Variants in SGSM2 observed in about 807,000 individuals in gnomAD.
SGSM2 encodes small G protein signaling modulator 2.
Under a neutral mutation model 126.6 loss-of-function variants are expected in SGSM2, and 89 were observed. The observed-to-expected ratio is 0.70, with a 90% confidence interval of 0.59 to 0.84. The LOEUF (loss-of-function observed/expected upper bound fraction) is 0.84. Ranked by LOEUF, SGSM2 falls within the 40% of genes least tolerant of loss-of-function variation. The pLI is 0.00. For synonymous variants in SGSM2, 614 were observed against 574.3 expected, an observed-to-expected ratio of 1.07 and a Z score of -0.99; for missense variants, 1,404 against 1,416.6, an observed-to-expected ratio of 0.99 and a Z score of 0.14.
intron 2 of SGSM2, among the ~76,000 whole-genome samples, chr17:2,351,468 C>T (rs182204191): frequency 1.0e-3 from 155 of 152,272 alleles, no homozygotes; most frequent in African/African-American, 3.5e-3. Flanking sequence ...CTGTGGCTTC[C>T]TTACCCAGCC....
chr17:2,339,736 A>G (rs1320305872), intron 1 of SGSM2, among the ~76,000 whole-genome samples: 1 of 151,720 alleles, frequency 6.6e-6, no homozygotes, highest in Non-Finnish European at 1.5e-5. Context: ...AGTCCCGGAA[A>G]TCTCTAGATG....
At position 2,363,351 on chromosome 17, in the gene SGSM2, G is replaced by T; in HGVS notation, c.673-114G>T. 1 of 1,515,356 alleles carries T rather than the reference G, an allele frequency of 6.6e-7. No homozygotes were observed. Among genetic ancestry groups the T allele is most frequent in the Non-Finnish European group, 8.9e-7 (1 of 1,123,080 alleles). 93.9% of individuals were successfully genotyped at this position (1,515,356 alleles called of 1,614,324 possible). On this transcript the variant is annotated intron_variant, in intron 6 of 23. Coordinates refer to ENST00000268989, the MANE Select transcript of SGSM2 (RefSeq NM_014853.3). The surrounding 1 kb of genome is among the most constrained non-coding windows in gnomAD (Gnocchi z 4.2). Reference sequence around the variant, plus strand: ...CAGAGGGTGGCTGGGAGTAAACCGGGGCAGGAAGGACCCCTGGGGTCAGCT... The same window carrying T: ...CAGAGGGTGGCTGGGAGTAAACCGGTGCAGGAAGGACCCCTGGGGTCAGCT...
Position 2,379,984 on chromosome 17 carries a change from C to T in SGSM2, c.*464C>T. 7.2e-7 allele frequency: 1 copy of T among 1,379,762 alleles called. No homozygotes were observed. The highest frequency in any genetic ancestry group is 9.4e-7 in the Non-Finnish European group (1 of 1,068,418). 85.5% of individuals were successfully genotyped at this position (1,379,762 alleles called of 1,614,324 possible). ...CAGTCCCAGTATATTGTGCGTGCAC[C>T]AGCCCCAGCTGGAGCAACCAAAACT... On this transcript the variant is annotated 3_prime_UTR_variant, in exon 24 of 24. Transcript: ENST00000268989.
At chr17:2,360,421 G>A (rs1185860828) in intron 2 of SGSM2, among the ~76,000 whole-genome samples, 1 of 152,176 alleles carries the variant, frequency 6.6e-6, no homozygotes, top group Non-Finnish European at 1.5e-5. Context: ...GCCTTGGATC[G>A]TCTCTCCAGT....
At chr17:2,361,359 G>A (rs1224428267) in intron 2 of SGSM2, among the ~76,000 whole-genome samples, 1 of 152,238 alleles carries the variant, frequency 6.6e-6, no homozygotes, top group East Asian at 1.9e-4. Flanking sequence ...CCTGAATGGG[G>A]AGCTTTGGTC....
rs758853082 is a variant in SGSM2, at chr17:2,354,890, T to TG, written c.134-6743dup. 1.8e-3 allele frequency among the ~76,000 whole-genome samples: 248 copies of TG among 137,630 alleles called. 1 individual carries two copies. The highest frequency in any genetic ancestry group is 4.1e-3 in the Middle Eastern group (1 of 242). 90.3% of individuals were successfully genotyped at this position (137,630 alleles called of 152,430 possible). ...AATGGTGGAATCGGGGTGTAAGCGT[T>TG]GGGGAAGGGACCCCATATCTTAGAA... On this transcript the variant is annotated intron_variant, in intron 2 of 23. Transcript: ENST00000268989.
chr17:2,350,707 G>C (rs1024557614), intron 2 of SGSM2, among the ~76,000 whole-genome samples: 12 of 152,172 alleles, frequency 7.9e-5, no homozygotes, highest in Non-Finnish European at 1.5e-5. Flanking sequence ...TCAGAGACAA[G>C]TCCAACTAGA....
Position 2,363,958 on chromosome 17 carries a change from G to A in SGSM2, c.808-101G>A. 6.8e-7 allele frequency: 1 copy of A among 1,464,860 alleles called. No homozygotes were observed. The highest frequency in any genetic ancestry group is 1.2e-5 in the South Asian group (1 of 85,458). The allele number at this position is 1,464,860 out of a possible 1,614,324, so 90.7% of individuals were successfully genotyped here. On this transcript the variant is annotated intron_variant, in intron 7 of 23. Transcript: ENST00000268989. The surrounding 1 kb of genome is among the most constrained non-coding windows in gnomAD (Gnocchi z 4.2). ...AGTCCAGGACCCCGTGACTAGCCTA[G>A]CTTGGCCTCCCCTCCTCCCAGCGGG...
chr17:2,361,568 G>T, intron 2 of SGSM2, 69 bp from the exon 3 acceptor site: 1 of 1,561,538 alleles, frequency 6.4e-7, no homozygotes, highest in Non-Finnish European at 8.7e-7. Flanking sequence ...CAGGTATGGG[G>T]AAGAGGAGCT....
chr17:2,370,093 A>T (rs975789723), intron 12 of SGSM2, among the ~76,000 whole-genome samples: 24 of 152,026 alleles, frequency 1.6e-4, no homozygotes, highest in African/African-American at 5.8e-4. Flanking sequence ...GCTCCCACCA[A>T]AGCCAGGCCC....
rs1380608257 is a variant in SGSM2, at chr17:2,376,181, C to G, written c.2529C>G (p.Asp843Glu). ...TGGCCTTAAACCTGCACCGCATAGA[C>G]AAGGATGTGCAGAGGTGTGACCGCA... ...DTVALNLHRI[D>E]KDVQRCDRNY... Residue 843 changes from aspartate (D) to glutamate (E), a missense_variant, in exon 19 of 24, where the codon GAC (aspartate) becomes GAG (glutamate). Asp to Glu is a conservative substitution (Grantham distance 45). Coordinates refer to ENST00000268989, the MANE Select transcript of SGSM2 (RefSeq NM_014853.3). The G allele has an allele frequency of 5.6e-6, 9 of 1,613,988 alleles. No homozygotes were observed. Among genetic ancestry groups the G allele is most frequent in the Non-Finnish European group, 8.5e-7 (1 of 1,180,026 alleles).
chr17:2,337,927 G>T lies in SGSM2; in HGVS notation c.57+182G>T, dbSNP rs1222407818. Among the ~76,000 whole-genome samples the T allele has an allele frequency of 1.3e-5, 2 of 151,932 alleles. No individual in the cohort carries two copies. The highest frequency in any genetic ancestry group is 6.5e-5 in the Admixed American group (1 of 15,270). Reference sequence around the variant, plus strand: ...GGATGGGGGAGGGCAGCGCCCCTCTGCCCGGGGGACCCGGCCGGCGCTCCC... The same window carrying T: ...GGATGGGGGAGGGCAGCGCCCCTCTTCCCGGGGGACCCGGCCGGCGCTCCC... On this transcript the variant is annotated intron_variant, in intron 1 of 23. Transcript: ENST00000268989. The surrounding 1 kb of genome is among the most constrained non-coding windows in gnomAD (Gnocchi z 5.1).
rs904931062 is a variant in SGSM2 at position 2,373,361 on chromosome 17, C to G, written c.1948C>G (p.Gln650Glu). 2 of 1,612,946 alleles carry G rather than the reference C, an allele frequency of 1.2e-6. No individual in the cohort carries two copies. Among genetic ancestry groups the G allele is most frequent in the Non-Finnish European group, 1.7e-6 (2 of 1,179,922 alleles). The change falls in exon 17 of 24, where the codon CAG becomes GAG. Residue 650 changes from glutamine to glutamate, a missense_variant. Transcript: ENST00000268989. ...CGCAGTGGTGGCAGCAAGGTACCAG[C>G]AGGTGTTGGCAGAGTGGAAGGCCTG... ...VDAVVAARYQ[Q>E]VLAEWKACEV...
intron 2 of SGSM2, among the ~76,000 whole-genome samples, chr17:2,345,595 CAAAAAAAAA>C (rs1228278801): frequency 3.6e-5 from 3 of 84,216 alleles, no homozygotes; most frequent in Admixed American, 1.3e-4. Context: ...GACTCTGTCT[CAAAAAAAAA>C]AAAAAAAAAA....
At chr17:2,361,615 G>A in intron 2 of SGSM2, 22 bp from the exon 3 acceptor site, 1 of 1,611,600 alleles carries the variant, frequency 6.2e-7, no homozygotes. Flanking sequence ...AGGCTCAGAT[G>A]CCGTTTCCCT....
In SGSM2 at chr17:2,376,733, C is replaced by T. The variant is rs755370844; in HGVS notation, c.2610C>T (p.Ser870=). ...NLERLRDVMC[S]YVWEHLDVGY... ...CAGTGACTCTCCCCCTGCCTTTCAG[C>T]TACGTGTGGGAGCACCTGGACGTGG... is the stretch of plus-strand genomic sequence containing the variant. Residue 870 remains serine (S), a splice_region_variant and synonymous_variant, in exon 20 of 24, where the codon AGC becomes AGT. Coordinates refer to ENST00000268989, the MANE Select transcript of SGSM2 (RefSeq NM_014853.3). 6.2e-7 allele frequency: 1 copy of T among 1,613,962 alleles called. No individual in the cohort carries two copies. Among genetic ancestry groups the T allele is most frequent in the Non-Finnish European group, 8.5e-7 (1 of 1,180,004 alleles).
intron 1 of SGSM2, among the ~76,000 whole-genome samples, chr17:2,338,373 G>C (rs944878055): frequency 2.6e-5 from 4 of 152,182 alleles, no homozygotes; most frequent in Non-Finnish European, 4.4e-5. Flanking sequence ...ACTTCAGAAA[G>C]AGAAGTAGTC....
chr17:2,379,663 C>T lies in SGSM2; in HGVS notation c.*143C>T. The T allele has an allele frequency of 6.9e-7, 1 of 1,455,308 alleles. No individual in the cohort carries two copies. Among genetic ancestry groups the T allele is most frequent in the Non-Finnish European group, 9.1e-7 (1 of 1,099,638 alleles). The allele number at this position is 1,455,308 out of a possible 1,614,324, so 90.1% of individuals were successfully genotyped here. A position where few individuals can be genotyped will look rare whatever the true frequency, so the allele number is the denominator to read the frequency against. ...GCGGTTGTGAGCCTGGATCCGACTC[C>T]CGGCAGTGCTGACCCTGCAGGGCAA... On this transcript the variant is annotated 3_prime_UTR_variant, in exon 24 of 24. Coordinates refer to ENST00000268989, the MANE Select transcript of SGSM2 (RefSeq NM_014853.3).
intron 2 of SGSM2, among the ~76,000 whole-genome samples, chr17:2,349,788 G>GA (rs138851417): frequency 0.34 from 50,446 of 147,236 alleles, 9,455 homozygotes; most frequent in East Asian, 0.62. Context: ...CTAGTGAAAT[G>GA]TTTTGTTTTT....
Sources: gnomAD v4.1 joint callset for allele counts (sites outside exome capture counted in the v4.1 genomes callset) on GRCh38, gnomAD v4.1.1 for gene constraint, Gnocchi (gnomAD v3.1) non-coding constraint, MANE v1.5 for transcripts, NCBI Gene and HGNC (gene_info 2026-07-23, HGNC 2026-07-21) for gene names.